Variants in FNBP1 observed in about 807,000 individuals in gnomAD.
FNBP1 encodes the protein formin binding protein 1.
Under a neutral mutation model 90.6 loss-of-function variants are expected in FNBP1, and 26 were observed. The ratio of observed to expected loss-of-function variants is 0.29; its 90% CI spans 0.21 to 0.40. FNBP1 has a LOEUF of 0.40. FNBP1 is among the 10% of genes least tolerant of loss of function. The pLI, the probability that FNBP1 is intolerant of heterozygous loss-of-function variation, is 1.00. For missense variants in FNBP1, 635 were observed against 768.0 expected, an observed-to-expected ratio of 0.83 and a Z score of 2.05; for synonymous variants, 260 against 265.2, an observed-to-expected ratio of 0.98 and a Z score of 0.19.
intron 12 of FNBP1, 119 bp from the exon 13 acceptor site, chr9:129,903,120 T>C: frequency 1.1e-6 from 1 of 936,936 alleles, no homozygotes; most frequent in Non-Finnish European, 1.6e-6. Context: ...GCAACGATCT[T>C]GGCTCACTGC....
intron 1 of FNBP1, among the ~76,000 whole-genome samples, chr9:130,017,556 GCGGTA>G (rs2057358748): frequency 6.6e-6 from 1 of 152,132 alleles, no homozygotes; most frequent in African/African-American, 2.4e-5. Flanking sequence ...CAGGCTGGGT[GCGGTA>G]GCTCACGCCT....
At chr9:129,941,659 C>T (rs761485539) in intron 6 of FNBP1, among the ~76,000 whole-genome samples, 16 of 152,150 alleles carry the variant, frequency 1.1e-4, no homozygotes, top group Non-Finnish European at 2.1e-4. Flanking sequence ...GAGACAAGGT[C>T]TTCCTACGTT....
intron 1 of FNBP1, among the ~76,000 whole-genome samples, chr9:130,004,398 C>T (rs985219802): frequency 6.6e-6 from 1 of 152,224 alleles, no homozygotes; most frequent in East Asian, 1.9e-4. Context: ...GAGGCCAGTC[C>T]CCCTCTGCAA....
At chr9:129,913,814 C>A (rs2039780454) in intron 11 of FNBP1, among the ~76,000 whole-genome samples, 1 of 151,972 alleles carries the variant, frequency 6.6e-6, no homozygotes, top group South Asian at 2.1e-4. Context: ...GACAGCTTCC[C>A]CCCACCCCAA....
intron 4 of FNBP1, 100 bp downstream of exon 4, chr9:129,978,363 ACC>A (rs2050679342): frequency 1.0e-6 from 1 of 996,054 alleles, no homozygotes. Context: ...TGAGTTTAAG[ACC>A]CATAGTCTTA....
intron 1 of FNBP1, among the ~76,000 whole-genome samples, chr9:129,996,520 G>C (rs1366840420): frequency 6.6e-6 from 1 of 152,196 alleles, no homozygotes; most frequent in African/African-American, 2.4e-5. Flanking sequence ...TCAAGTTTTA[G>C]TCATTTGCCT....
intron 1 of FNBP1, among the ~76,000 whole-genome samples, chr9:130,017,373 T>C (rs902072192): frequency 6.6e-6 from 1 of 152,186 alleles, no homozygotes; most frequent in African/African-American, 2.4e-5. Context: ...AAAATAAACA[T>C]TAACAGATAT....
At chr9:130,051,994 G>GT in the FNBP1 span, among the ~76,000 whole-genome samples, 1 of 152,168 alleles carries the variant, frequency 6.6e-6, no homozygotes, top group Non-Finnish European at 1.5e-5. Flanking sequence ...TACTCAGCCT[G>GT]TTTGTTTCCA....
intron 1 of FNBP1, among the ~76,000 whole-genome samples, chr9:129,999,321 C>A (rs2054490108): frequency 6.6e-6 from 1 of 152,084 alleles, no homozygotes; most frequent in African/African-American, 2.4e-5. Flanking sequence ...ACCAGCCAGC[C>A]ACAGTGGCTC....
rs949715500 is a variant in FNBP1 at position 129,900,728 on chromosome 9, C to T, written c.1429-181G>A. Among the ~76,000 whole-genome samples the T allele has an allele frequency of 5.9e-5, 9 of 152,260 alleles. No homozygotes were observed. The highest frequency in any genetic ancestry group is 1.2e-4 in the African/African-American group (5 of 41,472). On this transcript the variant is annotated intron_variant, in intron 13 of 16. Coordinates refer to ENST00000446176, the MANE Select transcript of FNBP1 (RefSeq NM_015033.3). This position sits in a 1 kb window ranked among gnomAD's most constrained non-coding sequence, Gnocchi z 4.1. ...AGTCCACGTGGGGGCAGAATGGCCA[C>T]GTTTTCTGCCTTCGACTGTTCAAAT...
chr9:130,048,314 C>CAAAAAAAAAAAAAAAAA, the FNBP1 span, among the ~76,000 whole-genome samples: 18 of 50,722 alleles, frequency 3.5e-4, 2 homozygotes, highest in African/African-American at 5.8e-4. Flanking sequence ...GACTCCATCT[C>CAAAAAAAAAAAAAAAAA]AAAAAAAAAA....
At chr9:129,985,262 C>T (rs1257043156) in intron 2 of FNBP1, among the ~76,000 whole-genome samples, 2 of 151,202 alleles carry the variant, frequency 1.3e-5, no homozygotes, top group Admixed American at 6.6e-5. Flanking sequence ...GGCACTGGTG[C>T]GGCTCACGTT....
chr9:129,922,060 TA>T (rs76654387), intron 10 of FNBP1, among the ~76,000 whole-genome samples: 18,311 of 144,472 alleles, frequency 0.13, 1,081 homozygotes, highest in South Asian at 0.17. Flanking sequence ...GGGTAGGATT[TA>T]AAAAAAAAAA....
At chr9:129,931,943 T>C (rs1221487090) in intron 6 of FNBP1, among the ~76,000 whole-genome samples, 4 of 151,976 alleles carry the variant, frequency 2.6e-5, no homozygotes, top group Admixed American at 2.6e-4. Context: ...CCAGGTGCGG[T>C]GCCTCACGCC....
Position 129,890,617 on chromosome 9 carries a change from TTTGCTCTTG to T in FNBP1, c.1847-80_1847-72del. On this transcript the variant is annotated intron_variant, in intron 16 of 16. Coordinates refer to ENST00000446176, the MANE Select transcript of FNBP1 (RefSeq NM_015033.3). The surrounding 1 kb of genome is among the most constrained non-coding windows in gnomAD (Gnocchi z 5.8). ...GAAGGCGCGGGTTCCAGGCGGGCATTTTGCTCTTGGCTACAAACTGCACCGCCCTGGGAG... is the reference window on the plus strand; with the variant it reads ...GAAGGCGCGGGTTCCAGGCGGGCATTGCTACAAACTGCACCGCCCTGGGAG... The T allele has an allele frequency of 7.2e-7, 1 of 1,397,872 alleles. No individual in the cohort carries two copies. 86.6% of individuals were successfully genotyped at this position (1,397,872 alleles called of 1,614,324 possible). A position where few individuals can be genotyped will look rare whatever the true frequency, so the allele number is the denominator to read the frequency against.
At chr9:129,896,129 A>C in intron 15 of FNBP1, 133 bp from the exon 16 acceptor site, 1 of 838,584 alleles carries the variant, frequency 1.2e-6, no homozygotes, top group Non-Finnish European at 1.9e-6. Context: ...GGACCTTCTC[A>C]GATGCACGGA....
rs2042416579 is a variant in FNBP1, at chr9:129,929,556, T to C, written c.642+11A>G. On this transcript the variant is annotated intron_variant, in intron 7 of 16. Transcript: ENST00000446176. ...ATAAAACATGAAATCTGAGAGATGTTCAGGACTTACCTGGAAGATGTTGGG... is the reference window on the plus strand; with the variant it reads ...ATAAAACATGAAATCTGAGAGATGTCCAGGACTTACCTGGAAGATGTTGGG... The C allele has an allele frequency of 6.2e-7, 1 of 1,613,048 alleles. No homozygotes were observed. Among genetic ancestry groups the C allele is most frequent in the Non-Finnish European group, 8.5e-7 (1 of 1,179,330 alleles).
At chr9:129,988,149 G>A (rs1378884050) in intron 2 of FNBP1, among the ~76,000 whole-genome samples, 1 of 152,094 alleles carries the variant, frequency 6.6e-6, no homozygotes, top group Non-Finnish European at 1.5e-5. Context: ...TGAGGGTGAG[G>A]TTGAGCAGGC....
In FNBP1 at chr9:129,994,823, C is replaced by G. The variant is rs1286106313; in HGVS notation, c.140+20G>C. ...CATCATTTTGCAGTTAACAAATAACCTTTTTCAATATCAACTTACCTGAGT... is the reference window on the plus strand; with the variant it reads ...CATCATTTTGCAGTTAACAAATAACGTTTTTCAATATCAACTTACCTGAGT... On this transcript the variant is annotated intron_variant, in intron 2 of 16. Coordinates refer to ENST00000446176, the MANE Select transcript of FNBP1 (RefSeq NM_015033.3). 2 of 1,194,402 alleles carry G rather than the reference C, an allele frequency of 1.7e-6. No individual in the cohort carries two copies. The highest frequency in any genetic ancestry group is 2.5e-6 in the Non-Finnish European group (2 of 810,766). The allele number at this position is 1,194,402 out of a possible 1,614,324, so 74.0% of individuals were successfully genotyped here.
Sources: allele counts gnomAD v4.1 joint callset (sites outside exome capture counted in the v4.1 genomes callset), GRCh38; gene constraint gnomAD v4.1.1; non-coding constraint Gnocchi (gnomAD v3.1); transcripts MANE v1.5; gene names NCBI Gene and HGNC (gene_info 2026-07-23, HGNC 2026-07-21).